The following DOCK4 variants were observed in gnomAD, a reference collection of about 807,000 sequenced individuals.
The protein encoded by DOCK4 is dedicator of cytokinesis protein 4.
A neutral mutation model predicts 268.1 loss-of-function variants in DOCK4; 97 were observed. That is an observed-to-expected ratio of 0.36 (90% CI 0.31 to 0.43). The LOEUF is 0.43. Ranked by LOEUF, DOCK4 falls within the 20% of genes least tolerant of loss-of-function variation. The probability of loss-of-function intolerance (pLI) is 1.00; values close to 1 mark genes in which losing one functional copy is unlikely to be tolerated. For synonymous variants in DOCK4, 954 were observed against 887.2 expected, an observed-to-expected ratio of 1.08 and a Z score of -1.34; for missense variants, 2,145 against 2,455.7, an observed-to-expected ratio of 0.87 and a Z score of 2.67.
intron 1 of DOCK4, among the ~76,000 whole-genome samples, chr7:112,009,844 C>A (rs950054467): frequency 6.6e-6 from 1 of 152,066 alleles, no homozygotes; most frequent in Non-Finnish European, 1.5e-5. Flanking sequence ...TTTGAGACAG[C>A]GTCTCACCGT....
intron 1 of DOCK4, among the ~76,000 whole-genome samples, chr7:112,133,325 A>G (rs1813987968): frequency 6.6e-6 from 1 of 152,170 alleles, no homozygotes; most frequent in African/African-American, 2.4e-5. Flanking sequence ...CACTCCACAA[A>G]TGTTCTTATT....
At chr7:112,204,939 A>G (rs1433678515) in intron 1 of DOCK4, among the ~76,000 whole-genome samples, 1 of 152,058 alleles carries the variant, frequency 6.6e-6, no homozygotes, top group African/African-American at 2.4e-5. Context: ...ACAGGGCATT[A>G]TAGGAAATAA....
chr7:111,945,654 T>C, intron 9 of DOCK4, 63 bp downstream of exon 9: 1 of 1,360,108 alleles, frequency 7.4e-7, no homozygotes. Context: ...AATTTATTTC[T>C]CCTAAATAGT....
chr7:112,141,498 C>CCTTA (rs1814927234), intron 1 of DOCK4, among the ~76,000 whole-genome samples: 1 of 152,110 alleles, frequency 6.6e-6, no homozygotes, highest in Admixed American at 6.6e-5. Context: ...AGTTGAAAGG[C>CCTTA]CTTAGAAGCA....
At chr7:112,053,142 C>A (rs1805513044) in intron 1 of DOCK4, among the ~76,000 whole-genome samples, 1 of 152,160 alleles carries the variant, frequency 6.6e-6, no homozygotes, top group African/African-American at 2.4e-5. Context: ...TACTGTCCAG[C>A]CATCATTCAG....
At chr7:111,887,723 C>T (rs1011197493) in intron 16 of DOCK4, among the ~76,000 whole-genome samples, 6 of 148,492 alleles carry the variant, frequency 4.0e-5, no homozygotes, top group African/African-American at 1.5e-4. Flanking sequence ...CATGTCATGA[C>T]GGGAAGGGAA....
At chr7:111,970,633 G>A (rs191341025) in intron 8 of DOCK4, among the ~76,000 whole-genome samples, 13 of 152,208 alleles carry the variant, frequency 8.5e-5, no homozygotes, top group Admixed American at 2.6e-4. Context: ...TGGAAAACTC[G>A]TTTTATAAAA....
At chr7:111,955,619 T>A (rs1354232264) in intron 8 of DOCK4, among the ~76,000 whole-genome samples, 1 of 152,238 alleles carries the variant, frequency 6.6e-6, no homozygotes, top group Non-Finnish European at 1.5e-5. Flanking sequence ...AAAATAAAGA[T>A]ATCTGAAACA....
chr7:112,155,918 A>T (rs1159569067), intron 1 of DOCK4, among the ~76,000 whole-genome samples: 1 of 152,190 alleles, frequency 6.6e-6, no homozygotes. Context: ...GAAACTATAA[A>T]TTTTTAATTT....
intron 1 of DOCK4, among the ~76,000 whole-genome samples, chr7:112,155,316 C>G (rs915562285): frequency 1.3e-5 from 2 of 152,094 alleles, no homozygotes; most frequent in Non-Finnish European, 2.9e-5. Context: ...GAGGAGAATA[C>G]TAAGGATTAA....
chr7:111,859,608 C>T (rs890322459), intron 23 of DOCK4, among the ~76,000 whole-genome samples: 2 of 145,752 alleles, frequency 1.4e-5, no homozygotes, highest in Non-Finnish European at 3.0e-5. Flanking sequence ...CGCTCTGTCG[C>T]CCAGGCTGGA....
chr7:111,940,251 T>C lies in DOCK4; in HGVS notation c.845-9A>G. 3 of 1,613,956 alleles carry C rather than the reference T, an allele frequency of 1.9e-6. No homozygotes were observed. Among genetic ancestry groups the C allele is most frequent in the Non-Finnish European group, 2.5e-6 (3 of 1,179,876 alleles). ...TCCTGCTCCCATTCGACCTGTTCAA[T>C]TAAAGAGCAATCATTAACCCATGGA... On this transcript the variant is annotated splice_polypyrimidine_tract_variant and intron_variant, in intron 10 of 52. Coordinates refer to ENST00000428084, the MANE Select transcript of DOCK4 (RefSeq NM_001363540.2).
chr7:111,921,076 G>T (rs959748747), intron 12 of DOCK4, among the ~76,000 whole-genome samples: 5 of 151,418 alleles, frequency 3.3e-5, no homozygotes, highest in Non-Finnish European at 7.4e-5. Context: ...ACTTTTCTTA[G>T]ACCTTAATAT....
intron 16 of DOCK4, among the ~76,000 whole-genome samples, chr7:111,884,614 T>C (rs1586264073): frequency 6.6e-6 from 1 of 152,182 alleles, no homozygotes; most frequent in East Asian, 1.9e-4. Context: ...TATATGGAGC[T>C]GAAATAATTT....
intron 1 of DOCK4, among the ~76,000 whole-genome samples, chr7:112,116,931 A>C (rs546040999): frequency 6.6e-6 from 1 of 152,296 alleles, no homozygotes; most frequent in South Asian, 2.1e-4. Flanking sequence ...TTGAAAATAC[A>C]AATTTGTTCT....
In DOCK4 at chr7:111,910,237, T is replaced by C. The variant is rs570357461; in HGVS notation, c.1192+5542A>G. The stretch of plus-strand genomic sequence containing the variant: ...GGGAGCAGGGAAGACAGTCAGATCT[T>C]CCATGCCATTCCTGATACATCAGCC... On this transcript the variant is annotated intron_variant, in intron 13 of 52. Transcript: ENST00000428084. Among the ~76,000 whole-genome samples the C allele has an allele frequency of 4.7e-3, 719 of 152,320 alleles. 4 individuals carry two copies. Among genetic ancestry groups the C allele is most frequent in the Non-Finnish European group, 8.3e-3 (566 of 68,030 alleles).
chr7:112,047,795 G>T (rs112739576), intron 1 of DOCK4, among the ~76,000 whole-genome samples: 326 of 152,220 alleles, frequency 2.1e-3, no homozygotes, highest in African/African-American at 7.2e-3. Context: ...TGGGCTCGAG[G>T]GATCCTCCTG....
chr7:112,073,557 G>A (rs962254843), intron 1 of DOCK4, among the ~76,000 whole-genome samples: 4 of 151,810 alleles, frequency 2.6e-5, no homozygotes, highest in African/African-American at 9.7e-5. Flanking sequence ...TGTATACAAG[G>A]AAATATTATT....
chr7:112,174,438 C>G (rs1458119229), intron 1 of DOCK4, among the ~76,000 whole-genome samples: 1 of 151,990 alleles, frequency 6.6e-6, no homozygotes, highest in Non-Finnish European at 1.5e-5. Flanking sequence ...CACAAAATCA[C>G]AAGCATACTG....
Sources: allele counts gnomAD v4.1 joint callset (sites outside exome capture counted in the v4.1 genomes callset), GRCh38; gene constraint gnomAD v4.1.1; transcripts MANE v1.5; gene names NCBI Gene and HGNC (gene_info 2026-07-23, HGNC 2026-07-21).